PAPOLA: variants seen among roughly 807,000 people sequenced by gnomAD.
PAPOLA encodes poly(A) polymerase alpha, also known as polynucleotide adenylyltransferase alpha.
In PAPOLA, 15 loss-of-function variants were observed where a neutral mutation model predicts 100.6. The ratio of observed to expected loss-of-function variants is 0.15; its 90% CI spans 0.10 to 0.23. The LOEUF (loss-of-function observed/expected upper bound fraction) is 0.23, where lower values mean the gene tolerates loss of function less well. Ranked by LOEUF, PAPOLA falls within the 10% of genes least tolerant of loss-of-function variation. The pLI is 1.00. For synonymous variants in PAPOLA, 293 were observed against 300.0 expected (o/e 0.98, Z 0.24); for missense variants, 533 against 884.2 (o/e 0.60, Z 5.04).
intron 4 of PAPOLA, chr14:96,526,972 A>G (rs1421918125): frequency 2.6e-5 from 4 of 154,164 alleles, no homozygotes; most frequent in Non-Finnish European, 5.7e-5. Context: ...ATATTTTACC[A>G]TTGTCTACTT....
rs1387950891 is a variant in PAPOLA at position 96,562,906 on chromosome 14, A to G, written c.2142+13A>G. On this transcript the variant is annotated intron_variant, in intron 21 of 21. Coordinates refer to ENST00000216277, the MANE Select transcript of PAPOLA (RefSeq NM_032632.5). ...GTTGGCCTCTCAGGTACTAAGTGCA[A>G]AAAGCAAGGAGAATTTTGTAAATGT... The G allele has an allele frequency of 3.9e-6, 6 of 1,556,670 alleles. No individual in the cohort carries two copies. The highest frequency in any genetic ancestry group is 5.3e-6 in the Non-Finnish European group (6 of 1,130,094).
rs757909269 is a variant in PAPOLA at position 96,527,568 on chromosome 14, T to C, written c.441+29T>C. The C allele has an allele frequency of 5.3e-6, 6 of 1,140,454 alleles. No homozygotes were observed. In the South Asian group the frequency reaches 7.4e-5, roughly 14 times the overall value. The allele number at this position is 1,140,454 out of a possible 1,614,324, so 70.6% of individuals were successfully genotyped here. Reference sequence around the variant, plus strand: ...CGTAAATGTTCGGGGTGAAATGGGATGAGTTATGAACATTCATTTAGTCAG... The same window carrying C: ...CGTAAATGTTCGGGGTGAAATGGGACGAGTTATGAACATTCATTTAGTCAG... On this transcript the variant is annotated intron_variant, in intron 5 of 21. Coordinates refer to ENST00000216277, the MANE Select transcript of PAPOLA (RefSeq NM_032632.5).
chr14:96,544,246 T>C lies in PAPOLA; in HGVS notation c.1387T>C (p.Phe463Leu). Reference sequence around the variant, plus strand: ...TGATCTCACCTATGATATTCAGTCTTTCACAGATACAGGTATGTCTTTACT... The same window carrying C: ...TGATCTCACCTATGATATTCAGTCTCTCACAGATACAGGTATGTCTTTACT... ...SVDLTYDIQS[F>L]TDTVYRQAIN... is the part of the protein sequence containing the mutation. Residue 463 changes from phenylalanine (F) to leucine (L), a missense_variant, in exon 15 of 22, where the codon TTC (phenylalanine) becomes CTC (leucine). Around this residue, in one of 9 missense-constraint regions of PAPOLA, gnomAD observed 18 missense variants for 74.9 expected, o/e 0.24. Coordinates refer to ENST00000216277, the MANE Select transcript of PAPOLA (RefSeq NM_032632.5). 1 of 1,522,274 alleles carries C rather than the reference T, an allele frequency of 6.6e-7. No individual in the cohort carries two copies. The highest frequency in any genetic ancestry group is 9.1e-7 in the Non-Finnish European group (1 of 1,099,990). The allele number at this position is 1,522,274 out of a possible 1,614,324, so 94.3% of individuals were successfully genotyped here. A position where few individuals can be genotyped will look rare whatever the true frequency, so the allele number is the denominator to read the frequency against.
intron 1 of PAPOLA, among the ~76,000 whole-genome samples, chr14:96,503,262 C>T (rs1441368992): frequency 1.3e-5 from 2 of 152,230 alleles, no homozygotes; most frequent in Non-Finnish European, 2.9e-5. Context: ...GTGCCCTCCT[C>T]CAAAACGACT....
intron 17 of PAPOLA, among the ~76,000 whole-genome samples, chr14:96,555,439 A>AT (rs1261855282): frequency 6.6e-6 from 1 of 152,020 alleles, no homozygotes; most frequent in Admixed American, 6.6e-5. Flanking sequence ...CTTAGCCAAA[A>AT]TTAGCTAAGA....
chr14:96,535,409 C>G, intron 10 of PAPOLA: 1 of 981,460 alleles, frequency 1.0e-6, no homozygotes, highest in South Asian at 4.7e-5. Flanking sequence ...AACATATCAA[C>G]ATGGATAATG....
rs539885369 is a variant in PAPOLA at position 96,519,958 on chromosome 14, A to G, written c.9-97A>G. 631 of 1,043,400 alleles carry G rather than the reference A, an allele frequency of 6.0e-4. 1 individual carries two copies. Among genetic ancestry groups the G allele is most frequent in the Non-Finnish European group, 4.0e-4 (286 of 720,950 alleles). The allele number at this position is 1,043,400 out of a possible 1,614,324, so 64.6% of individuals were successfully genotyped here. ...GTATTGCAGGGAACCAATCATGTTT[A>G]GAAATGTGTGTTACTAAATTAGTTT... On this transcript the variant is annotated intron_variant, in intron 1 of 21. Transcript: ENST00000216277.
chr14:96,511,750 A>G (rs1897122839), intron 1 of PAPOLA, among the ~76,000 whole-genome samples: 1 of 152,230 alleles, frequency 6.6e-6, no homozygotes, highest in East Asian at 1.9e-4. Context: ...TTTCAACCTC[A>G]TAAATACTGT....
At chr14:96,509,163 C>T (rs1896931717) in intron 1 of PAPOLA, among the ~76,000 whole-genome samples, 1 of 152,140 alleles carries the variant, frequency 6.6e-6, no homozygotes, top group African/African-American at 2.4e-5. Flanking sequence ...TCCCAAGTAT[C>T]TGGGACTACA....
chr14:96,536,020 T>C (rs750154240), intron 11 of PAPOLA, 21 bp downstream of exon 11: 1 of 1,563,098 alleles, frequency 6.4e-7, no homozygotes, highest in Non-Finnish European at 8.7e-7. Flanking sequence ...ATCCTTATGC[T>C]CTGATTTATA....
chr14:96,533,334 T>G (rs1269700851), intron 9 of PAPOLA: 1 of 983,324 alleles, frequency 1.0e-6, no homozygotes, highest in Non-Finnish European at 1.2e-6. Flanking sequence ...CCTGTTCTTA[T>G]GAACTCCTGC....
chr14:96,544,099 C>A, intron 14 of PAPOLA, 50 bp from the exon 15 acceptor site: 1 of 962,174 alleles, frequency 1.0e-6, no homozygotes, highest in Non-Finnish European at 1.7e-6. Flanking sequence ...ACACTGATAG[C>A]TACATTTTCA....
At chr14:96,502,912 CAAAG>C in intron 1 of PAPOLA, 3 of 368,850 alleles carry the variant, frequency 8.1e-6, no homozygotes, top group Non-Finnish European at 1.5e-5. Context: ...GCCCCGTCCA[CAAAG>C]AAAATCAAAA....
chr14:96,511,638 T>A (rs547082730), intron 1 of PAPOLA, among the ~76,000 whole-genome samples: 4 of 152,362 alleles, frequency 2.6e-5, no homozygotes, highest in Non-Finnish European at 1.5e-5. Context: ...AATCCCAGAC[T>A]AAATTTGAGA....
In PAPOLA at chr14:96,512,201, G is replaced by A. The variant is rs968048676; in HGVS notation, c.9-7854G>A. On this transcript the variant is annotated intron_variant, in intron 1 of 21. Coordinates refer to ENST00000216277, the MANE Select transcript of PAPOLA (RefSeq NM_032632.5). Reference sequence around the variant, plus strand: ...TATAAAATATAAGGTAAAATTTTACGGTCTCAATTCTGCTTGATTGTGTTT... The same window carrying A: ...TATAAAATATAAGGTAAAATTTTACAGTCTCAATTCTGCTTGATTGTGTTT... Among the ~76,000 whole-genome samples, 4 of 151,502 alleles carry A rather than the reference G, an allele frequency of 2.6e-5. No individual in the cohort carries two copies. In the South Asian group the frequency reaches 6.2e-4, roughly 24 times the overall value.
Position 96,531,524 on chromosome 14 carries a change from T to G in PAPOLA, c.545T>G (p.Leu182Trp). The G allele has an allele frequency of 6.2e-7, 1 of 1,611,076 alleles. No individual in the cohort carries two copies. Among genetic ancestry groups the G allele is most frequent in the Non-Finnish European group, 8.5e-7 (1 of 1,177,738 alleles). The change falls in exon 7 of 22, where the codon TTG becomes TGG. Residue 182 changes from leucine to tryptophan, a missense_variant. By Grantham distance (61) the Leu-to-Trp change is moderately conservative. Coordinates refer to ENST00000216277, the MANE Select transcript of PAPOLA (RefSeq NM_032632.5). ...RLALQTIPED[L>W]DLRDDSLLKN... The stretch of plus-strand genomic sequence containing the variant: ...GCACTGCAGACAATTCCTGAAGATT[T>G]GGATCTACGAGATGACAGTCTGCTA...
chr14:96,534,642 A>G, intron 10 of PAPOLA, 79 bp downstream of exon 10: 3 of 1,606,876 alleles, frequency 1.9e-6, no homozygotes, highest in Non-Finnish European at 2.5e-6. Context: ...CTCCAGGGAG[A>G]CTTCCAGCCT....
chr14:96,544,081 T>C (rs1900200052), intron 14 of PAPOLA, 68 bp from the exon 15 acceptor site: 9 of 835,300 alleles, frequency 1.1e-5, no homozygotes, highest in South Asian at 3.0e-5. Context: ...TGTCTCTGAT[T>C]GTCAGCCACA....
chr14:96,507,285 T>G (rs901149919), intron 1 of PAPOLA, among the ~76,000 whole-genome samples: 2 of 116,326 alleles, frequency 1.7e-5, no homozygotes. Context: ...AAATAGTTTT[T>G]TTTTTTTTTT....
Sources: gnomAD v4.1 joint callset for allele counts (sites outside exome capture counted in the v4.1 genomes callset) on GRCh38, gnomAD v4.1.1 for gene constraint, gnomAD v4.1.1 regional missense constraint, MANE v1.5 for transcripts, NCBI Gene and HGNC (gene_info 2026-07-23, HGNC 2026-07-21) for gene names.